ATP8B3: variants seen among roughly 807,000 people sequenced by gnomAD.
The protein encoded by ATP8B3 is phospholipid-transporting ATPase IK.
Under a neutral mutation model 140.9 loss-of-function variants are expected in ATP8B3, and 141 were observed. The ratio of observed to expected loss-of-function variants is 1.00; its 90% CI spans 0.87 to 1.15. The LOEUF is 1.15. Ranked by LOEUF, ATP8B3 falls within the 50% of genes most tolerant of loss-of-function variation. The pLI is 0.00. For missense variants in ATP8B3, 1,874 were observed against 1,740.6 expected, an observed-to-expected ratio of 1.08 and a Z score of -1.36; for synonymous variants, 765 against 714.6, an observed-to-expected ratio of 1.07 and a Z score of -1.13.
At chr19:1,783,301 A>G (rs1243706645) in intron 28 of ATP8B3, 31 bp from the exon 29 acceptor site, 2 of 1,595,672 alleles carry the variant, frequency 1.3e-6, no homozygotes, top group East Asian at 4.5e-5. Context: ...CAGGGGAAGC[A>G]GACTCCTATG....
rs2069187346 is a variant in ATP8B3, at chr19:1,811,514, T to C, written c.223A>G (p.Arg75Gly). The C allele has an allele frequency of 6.2e-7, 1 of 1,612,164 alleles. No homozygotes were observed. Residue 75 changes from arginine to glycine, a missense_variant, in exon 2 of 29, where the codon AGG (arginine) becomes GGG (glycine). By Grantham distance (125) the Arg-to-Gly change is moderately radical. This residue lies in a region of ATP8B3 where 1,032 missense variants were observed against 963.6 expected (regional missense o/e 1.07). Transcript: ENST00000310127. ...CCTTCTGGTCTCCATTCATACTTCCTAGCCCGGCCAGGCTGGGCCTTGTGC... is the reference window on the plus strand; with the variant it reads ...CCTTCTGGTCTCCATTCATACTTCCCAGCCCGGCCAGGCTGGGCCTTGTGC... Reference protein sequence around the residue: ...RRHKAQPGRARKYEWRPEGPT... With the variant: ...RRHKAQPGRAGKYEWRPEGPT...
chr19:1,789,307 G>T, intron 23 of ATP8B3, 54 bp downstream of exon 23: 1 of 1,144,484 alleles, frequency 8.7e-7, no homozygotes, highest in East Asian at 4.0e-5. Flanking sequence ...CACCGCCTCC[G>T]TCAGCCGCCC....
chr19:1,805,106 G>C lies in ATP8B3; in HGVS notation c.904+268C>G, dbSNP rs1033861691. On this transcript the variant is annotated intron_variant, in intron 10 of 28. Coordinates refer to ENST00000310127, the MANE Select transcript of ATP8B3 (RefSeq NM_138813.4). The surrounding 1 kb of genome is among the most constrained non-coding windows in gnomAD (Gnocchi z 5.2). Reference sequence around the variant, plus strand: ...GCCTCCCACCTCAGCCTCCCAAGTAGCTGGGACCACCGGCATGTGCCACCA... The same window carrying C: ...GCCTCCCACCTCAGCCTCCCAAGTACCTGGGACCACCGGCATGTGCCACCA... 10 of 443,750 alleles carry C rather than the reference G, an allele frequency of 2.3e-5. No homozygotes were observed. The highest frequency in any genetic ancestry group is 4.2e-5 in the Non-Finnish European group (10 of 237,308). The allele number at this position is 443,750 out of a possible 1,614,324, so 27.5% of individuals were successfully genotyped here.
At chr19:1,810,791 C>A in intron 2 of ATP8B3, 108 bp from the exon 3 acceptor site, 2 of 979,880 alleles carry the variant, frequency 2.0e-6, no homozygotes, top group Non-Finnish European at 2.9e-6. Flanking sequence ...TCAAATGCTA[C>A]CTCCCACACT....
chr19:1,782,134 T>C lies in ATP8B3; in HGVS notation c.*894A>G. On this transcript the variant is annotated 3_prime_UTR_variant, in exon 29 of 29. Transcript: ENST00000310127. Reference sequence around the variant, plus strand: ...GAAAAAGAAAAGCATGTGGAGTCCTTGTCTTTAGAGGAAGGCCCCCTGCAT... The same window carrying C: ...GAAAAAGAAAAGCATGTGGAGTCCTCGTCTTTAGAGGAAGGCCCCCTGCAT... 1 of 194,414 alleles carries C rather than the reference T, an allele frequency of 5.1e-6. No homozygotes were observed. Among genetic ancestry groups the C allele is most frequent in the East Asian group, 1.2e-4 (1 of 8,492 alleles). 12.0% of individuals were successfully genotyped at this position (194,414 alleles called of 1,614,324 possible). A position where few individuals can be genotyped will look rare whatever the true frequency, so the allele number is the denominator to read the frequency against.
Position 1,802,530 on chromosome 19 carries a change from C to T in ATP8B3, c.1020G>A (p.Arg340=). The change falls in exon 11 of 29, where the codon AGG becomes AGA. Residue 340 remains arginine, a synonymous_variant. Coordinates refer to ENST00000310127, the MANE Select transcript of ATP8B3 (RefSeq NM_138813.4). ...DIGNLLLRGC[R]IRNTDTCYGL... is the part of the protein sequence containing the mutation. ...CATAGCAGGTGTCTGTGTTGCGAAT[C>T]CTGCAGCCTCGGAGGAGGAGGTTGC... The T allele has an allele frequency of 6.2e-7, 1 of 1,606,316 alleles. No homozygotes were observed. The highest frequency in any genetic ancestry group is 8.5e-7 in the Non-Finnish European group (1 of 1,178,466).
intron 2 of ATP8B3, 42 bp downstream of exon 2, chr19:1,811,447 C>A: frequency 6.3e-7 from 1 of 1,589,602 alleles, no homozygotes; most frequent in Non-Finnish European, 8.6e-7. Flanking sequence ...CCCGCCAAGC[C>A]CCTGCCCCTG....
chr19:1,792,574 C>T (rs533799471), intron 18 of ATP8B3, among the ~76,000 whole-genome samples: 84 of 105,896 alleles, frequency 7.9e-4, no homozygotes, highest in African/African-American at 2.7e-3. Context: ...AGTGAGACTC[C>T]ATCTCAAAAA....
intron 25 of ATP8B3, among the ~76,000 whole-genome samples, chr19:1,786,811 G>A (rs1056498056): frequency 6.7e-6 from 1 of 150,182 alleles, no homozygotes; most frequent in Non-Finnish European, 1.5e-5. Flanking sequence ...AGAGTCATCT[G>A]CTCTGATCCT....
intron 12 of ATP8B3, among the ~76,000 whole-genome samples, chr19:1,801,538 C>G (rs1392815222): frequency 3.9e-5 from 6 of 152,060 alleles, no homozygotes; most frequent in African/African-American, 1.4e-4. Context: ...ATTGCTTGAG[C>G]TCAGGAGTTC....
chr19:1,790,090 C>A, intron 21 of ATP8B3, 101 bp from the exon 22 acceptor site: 1 of 801,936 alleles, frequency 1.2e-6, no homozygotes, highest in South Asian at 1.5e-5. Context: ...TGCCCACTCC[C>A]CCACCCCTGC....
At position 1,796,678 on chromosome 19, in the gene ATP8B3, C is replaced by T. The variant is rs771994609; in HGVS notation, c.1753+33G>A. 11 of 1,595,236 alleles carry T rather than the reference C, an allele frequency of 6.9e-6. No individual in the cohort carries two copies. In the East Asian group the frequency reaches 9.0e-5, roughly 13 times the overall value. The stretch of plus-strand genomic sequence containing the variant: ...ACACTGCCGTGCCCCGGGGGCTGAG[C>T]GGCCTCAGAGATGGGGAGGTGGGTG... On this transcript the variant is annotated intron_variant, in intron 16 of 28. Coordinates refer to ENST00000310127, the MANE Select transcript of ATP8B3 (RefSeq NM_138813.4).
At chr19:1,783,821 C>T (rs776254811) in intron 28 of ATP8B3, among the ~76,000 whole-genome samples, 8 of 151,724 alleles carry the variant, frequency 5.3e-5, no homozygotes, top group Admixed American at 1.3e-4. Flanking sequence ...GCTTTGGTTA[C>T]GTGGGCTAGT....
intron 5 of ATP8B3, 42 bp downstream of exon 5, chr19:1,808,180 G>C: frequency 6.7e-7 from 1 of 1,484,362 alleles, no homozygotes; most frequent in Non-Finnish European, 9.3e-7. Context: ...GATGCTGCCA[G>C]GTGGCTAGGG....
Position 1,789,601 on chromosome 19 carries a change from G to T in ATP8B3, c.2605C>A (p.Leu869Met), listed in dbSNP as rs1300564128. 3.8e-6 allele frequency: 6 copies of T among 1,592,252 alleles called. No individual in the cohort carries two copies. In the South Asian group the frequency reaches 6.7e-5, roughly 18 times the overall value. ...AGCGGGAGCCCGAACCTCCGGCACA[G>T]CAGGGACAGGCGCCTGGCGTAGAGG... is the stretch of plus-strand genomic sequence containing the variant. Reference protein sequence around the residue: ...DFLYARRLSLLCRRFGLPLAA... With the variant: ...DFLYARRLSLMCRRFGLPLAA... The change falls in exon 23 of 29, where the codon CTG becomes ATG. Residue 869 changes from leucine to methionine, a missense_variant. By Grantham distance (15) the Leu-to-Met change is conservative. Coordinates refer to ENST00000310127, the MANE Select transcript of ATP8B3 (RefSeq NM_138813.4).
intron 18 of ATP8B3, among the ~76,000 whole-genome samples, chr19:1,795,524 C>G (rs12463273): frequency 6.6e-6 from 1 of 152,122 alleles, no homozygotes; most frequent in South Asian, 2.1e-4. Context: ...GCACTCCAGC[C>G]TGGGCGACAG....
intron 18 of ATP8B3, 31 bp from the exon 19 acceptor site, chr19:1,792,166 A>G (rs373282495): frequency 2.6e-6 from 4 of 1,541,908 alleles, no homozygotes; most frequent in East Asian, 4.7e-5. Flanking sequence ...AGCTGTCACC[A>G]TGCTGAAGCC....
rs1034209692 is a variant in ATP8B3, at chr19:1,794,794, A to G, written c.2055+1081T>C. On this transcript the variant is annotated intron_variant, in intron 18 of 28. Coordinates refer to ENST00000310127, the MANE Select transcript of ATP8B3 (RefSeq NM_138813.4). This position sits in a 1 kb window ranked among gnomAD's most constrained non-coding sequence, Gnocchi z 4.8. Reference sequence around the variant, plus strand: ...TCCTAGGGAGTCCCTTGGTGAGGCCAAAGAGAGACCAGGCTGGAGAGGTCA... The same window carrying G: ...TCCTAGGGAGTCCCTTGGTGAGGCCGAAGAGAGACCAGGCTGGAGAGGTCA... Among the ~76,000 whole-genome samples, 3 of 152,144 alleles carry G rather than the reference A, an allele frequency of 2.0e-5. No homozygotes were observed.
In ATP8B3 at chr19:1,783,111, G is replaced by T; in HGVS notation, c.3820C>A (p.Pro1274Thr). 6.2e-7 allele frequency: 1 copy of T among 1,613,502 alleles called. No homozygotes were observed. Among genetic ancestry groups the T allele is most frequent in the Non-Finnish European group, 8.5e-7 (1 of 1,179,768 alleles). The change falls in exon 29 of 29, where the codon CCA becomes ACA. Residue 1274 changes from proline (P) to threonine (T), a missense_variant. Around this residue, in one of 3 missense-constraint regions of ATP8B3, gnomAD observed 840 missense variants for 760.9 expected, o/e 1.10. Coordinates refer to ENST00000310127, the MANE Select transcript of ATP8B3 (RefSeq NM_138813.4). ...GATGCTATGTCACTGCTGACCCCTG[G>T]TCCCCTCCGCAGAATTGTGCCCTGA... ...ITQGTILRRG[P>T]GVSSDIASES... is the part of the protein sequence containing the mutation.
Sources: gnomAD v4.1 joint callset for allele counts (sites outside exome capture counted in the v4.1 genomes callset) on GRCh38, gnomAD v4.1.1 for gene constraint, gnomAD v4.1.1 regional missense constraint, Gnocchi (gnomAD v3.1) non-coding constraint, MANE v1.5 for transcripts, NCBI Gene and HGNC (gene_info 2026-07-23, HGNC 2026-07-21) for gene names.